The following TMEM132D variants were observed in gnomAD, a reference collection of about 807,000 sequenced individuals.
TMEM132D encodes transmembrane protein 132D.
TMEM132D carries 21 observed loss-of-function variants against 62.3 expected under a neutral mutation model. That is an observed-to-expected ratio of 0.34 (90% CI 0.24 to 0.49). The LOEUF is 0.49. Among genes scored for constraint, TMEM132D ranks in the 20% least tolerant of loss-of-function variants. TMEM132D has a pLI of 0.99. For synonymous variants in TMEM132D, 621 were observed against 575.6 expected (o/e 1.08, Z -1.13); for missense variants, 1,346 against 1,402.8 (o/e 0.96, Z 0.65).
intron 5 of TMEM132D, among the ~76,000 whole-genome samples, chr12:129,133,327 C>T (rs1477221768): frequency 6.6e-6 from 1 of 152,214 alleles, no homozygotes; most frequent in Non-Finnish European, 1.5e-5. Context: ...ACAGCAATTC[C>T]CCATCTTCTG....
At chr12:129,676,687 C>T (rs976177348) in intron 2 of TMEM132D, among the ~76,000 whole-genome samples, 1 of 152,196 alleles carries the variant, frequency 6.6e-6, no homozygotes, top group African/African-American at 2.4e-5. Flanking sequence ...AACCCCATGA[C>T]TGAAACATCT....
At chr12:129,576,831 G>A (rs924087919) in intron 2 of TMEM132D, among the ~76,000 whole-genome samples, 3 of 151,786 alleles carry the variant, frequency 2.0e-5, no homozygotes, top group East Asian at 1.9e-4. Context: ...GAATCAAGTA[G>A]GCTAGAGAAA....
chr12:129,180,205 T>C (rs984600088), intron 5 of TMEM132D, among the ~76,000 whole-genome samples: 8 of 136,636 alleles, frequency 5.9e-5, no homozygotes, highest in South Asian at 2.4e-4. Flanking sequence ...GCAGCACAGA[T>C]AGTGGGGAGG....
intron 1 of TMEM132D, among the ~76,000 whole-genome samples, chr12:129,873,226 G>C (rs1306384339): frequency 6.6e-6 from 1 of 152,050 alleles, no homozygotes; most frequent in Admixed American, 6.6e-5. Context: ...ACTATCTTCA[G>C]GCCTCTTTGT....
chr12:129,443,091 G>C (rs1368587249), intron 3 of TMEM132D, among the ~76,000 whole-genome samples: 1 of 152,080 alleles, frequency 6.6e-6, no homozygotes, highest in African/African-American at 2.4e-5. Flanking sequence ...GCTCCCCTTG[G>C]GGTCGGCTGA....
At chr12:129,548,722 G>A (rs1161223797) in intron 2 of TMEM132D, among the ~76,000 whole-genome samples, 1 of 149,328 alleles carries the variant, frequency 6.7e-6, no homozygotes, top group African/African-American at 2.5e-5. Context: ...AAGGGGGGGT[G>A]AGGAAGTCAA....
chr12:129,074,541 C>T lies in TMEM132D; in HGVS notation c.2634G>A (p.Leu878=), dbSNP rs555131. ...TGGTGAGGTCGCTGGGGATGGTCTG[C>T]AAGTGGCTGTTGTCATCTAAAAGGC... is the stretch of plus-strand genomic sequence containing the variant. ...QESLLDDNSH[L]QTIPSDLTSF... Residue 878 remains leucine, a synonymous_variant, in exon 9 of 9, where the codon TTG becomes TTA. Transcript: ENST00000422113. The T allele has an allele frequency of 6.2e-7, 1 of 1,613,984 alleles. No individual in the cohort carries two copies. The highest frequency in any genetic ancestry group is 1.3e-5 in the African/African-American group (1 of 74,944).
intron 2 of TMEM132D, among the ~76,000 whole-genome samples, chr12:129,579,386 A>G (rs1877777116): frequency 6.6e-6 from 1 of 152,204 alleles, no homozygotes; most frequent in Non-Finnish European, 1.5e-5. Flanking sequence ...ATGAAGGAGA[A>G]CTGACTTACA....
intron 1 of TMEM132D, among the ~76,000 whole-genome samples, chr12:129,720,109 G>A (rs1317265274): frequency 6.6e-6 from 1 of 152,154 alleles, no homozygotes; most frequent in Non-Finnish European, 1.5e-5. Context: ...ATTTAGAAAT[G>A]TGGTTTCTAA....
chr12:129,338,080 A>G (rs1869352431), intron 3 of TMEM132D, among the ~76,000 whole-genome samples: 1 of 152,244 alleles, frequency 6.6e-6, no homozygotes, highest in Non-Finnish European at 1.5e-5. Flanking sequence ...GCTGCCCCAG[A>G]GCAGGTATTT....
At chr12:129,187,109 C>T (rs2135554050) in intron 5 of TMEM132D, among the ~76,000 whole-genome samples, 1 of 152,340 alleles carries the variant, frequency 6.6e-6, no homozygotes, top group Admixed American at 6.5e-5. Context: ...GTTTCCCAGC[C>T]TCCTTTGCAG....
At chr12:129,416,132 T>A (rs916436911) in intron 3 of TMEM132D, among the ~76,000 whole-genome samples, 19 of 152,220 alleles carry the variant, frequency 1.2e-4, no homozygotes, top group African/African-American at 4.6e-4. Context: ...ATTGAATCTA[T>A]AAATTACTTT....
chr12:129,489,463 T>C (rs888395129), intron 3 of TMEM132D, among the ~76,000 whole-genome samples: 8 of 152,226 alleles, frequency 5.3e-5, no homozygotes, highest in Non-Finnish European at 1.2e-4. Flanking sequence ...GGTCATAATT[T>C]TGAGATACTG....
At chr12:129,462,444 A>C (rs919271804) in intron 3 of TMEM132D, among the ~76,000 whole-genome samples, 1 of 152,212 alleles carries the variant, frequency 6.6e-6, no homozygotes, top group African/African-American at 2.4e-5. Context: ...TTACAGACAA[A>C]AAAAAATTGT....
chr12:129,266,249 C>G (rs1880691050), intron 4 of TMEM132D, among the ~76,000 whole-genome samples: 3 of 152,152 alleles, frequency 2.0e-5, no homozygotes, highest in Non-Finnish European at 4.4e-5. Flanking sequence ...TACGGCCACA[C>G]TGGGGCTCCT....
intron 1 of TMEM132D, among the ~76,000 whole-genome samples, chr12:129,765,132 A>G (rs1870509060): frequency 1.3e-5 from 2 of 152,196 alleles, no homozygotes; most frequent in Non-Finnish European, 2.9e-5. Flanking sequence ...GGCTGTAGGA[A>G]AATATTTGTG....
At chr12:129,251,787 G>A (rs1484923471) in intron 4 of TMEM132D, among the ~76,000 whole-genome samples, 1 of 152,076 alleles carries the variant, frequency 6.6e-6, no homozygotes, top group African/African-American at 2.4e-5. Context: ...TCAGGACCAG[G>A]GCCTTTCAGA....
chr12:129,709,226 G>T (rs147453397), intron 1 of TMEM132D, among the ~76,000 whole-genome samples: 2 of 152,254 alleles, frequency 1.3e-5, no homozygotes, highest in East Asian at 3.9e-4. Context: ...CCTAAAAGAG[G>T]CTTGAAATTT....
chr12:129,653,955 A>G (rs1879998361), intron 2 of TMEM132D, among the ~76,000 whole-genome samples: 1 of 152,068 alleles, frequency 6.6e-6, no homozygotes. Flanking sequence ...GAGTCTTCCT[A>G]TCTCTTTAGG....
Sources: gnomAD v4.1 joint callset for allele counts (sites outside exome capture counted in the v4.1 genomes callset) on GRCh38, gnomAD v4.1.1 for gene constraint, MANE v1.5 for transcripts, NCBI Gene and HGNC (gene_info 2026-07-23, HGNC 2026-07-21) for gene names.